Variants in PPP3CC observed in about 807,000 individuals in gnomAD.
PPP3CC encodes protein phosphatase 3 catalytic subunit gamma, also known as serine/threonine-protein phosphatase 2B catalytic subunit gamma isoform.
Under a neutral mutation model 60.3 loss-of-function variants are expected in PPP3CC, and 35 were observed. The observed-to-expected ratio is 0.58, with a 90% CI of 0.44 to 0.77. PPP3CC has a LOEUF of 0.77. Among genes scored for constraint, PPP3CC ranks in the 30% least tolerant of loss-of-function variants. PPP3CC has a pLI of 0.00. For synonymous variants in PPP3CC, 206 were observed against 224.3 expected, an observed-to-expected ratio of 0.92 and a Z score of 0.73; for missense variants, 570 against 628.9, an observed-to-expected ratio of 0.91 and a Z score of 1.00.
chr8:22,530,547 A>C (rs1839680290), intron 10 of PPP3CC, among the ~76,000 whole-genome samples: 1 of 149,162 alleles, frequency 6.7e-6, no homozygotes, highest in Non-Finnish European at 1.5e-5. Context: ...AAAAAGGAAG[A>C]ATGGGCCGGG....
At position 22,540,903 on chromosome 8, in the gene PPP3CC, G is replaced by T; in HGVS notation, c.*101G>T. Reference sequence around the variant, plus strand: ...AAGCAACTCAAAACAACTTCAACGTGGAGGTGCATTTATAATTCAGTCTGC... The same window carrying T: ...AAGCAACTCAAAACAACTTCAACGTTGAGGTGCATTTATAATTCAGTCTGC... On this transcript the variant is annotated 3_prime_UTR_variant, in exon 14 of 14. Transcript: ENST00000240139. The T allele has an allele frequency of 9.4e-7, 1 of 1,059,894 alleles. No homozygotes were observed. Among genetic ancestry groups the T allele is most frequent in the Non-Finnish European group, 1.3e-6 (1 of 787,342 alleles). The allele number at this position is 1,059,894 out of a possible 1,614,324, so 65.7% of individuals were successfully genotyped here. A position where few individuals can be genotyped will look rare whatever the true frequency, so the allele number is the denominator to read the frequency against.
intron 1 of PPP3CC, among the ~76,000 whole-genome samples, chr8:22,472,504 A>T (rs1259512318): frequency 6.6e-6 from 1 of 151,956 alleles, no homozygotes; most frequent in Non-Finnish European, 1.5e-5. Context: ...AGTAACAGGC[A>T]TGGAGCTGTT....
chr8:22,507,349 T>C (rs1371686609), intron 4 of PPP3CC, among the ~76,000 whole-genome samples: 1 of 152,208 alleles, frequency 6.6e-6, no homozygotes, highest in Admixed American at 6.5e-5. Context: ...TAGAAATAAC[T>C]GTTTTATGGG....
chr8:22,473,756 A>G (rs1286393565), intron 1 of PPP3CC, among the ~76,000 whole-genome samples: 5 of 151,590 alleles, frequency 3.3e-5, no homozygotes, highest in African/African-American at 1.2e-4. Context: ...GAGCCACACC[A>G]CACCCGGCCC....
intron 6 of PPP3CC, among the ~76,000 whole-genome samples, chr8:22,521,044 G>A (rs1304784269): frequency 6.6e-6 from 1 of 152,194 alleles, no homozygotes; most frequent in Non-Finnish European, 1.5e-5. Flanking sequence ...GGCTACATTA[G>A]GGTTCACAGT....
intron 8 of PPP3CC, chr8:22,523,752 A>G (rs1839470381): frequency 4.5e-6 from 2 of 441,130 alleles, no homozygotes; most frequent in East Asian, 1.5e-4. Context: ...AGACTGATAA[A>G]TAAGGTGAGT....
At chr8:22,518,843 C>T (rs1049094767) in intron 6 of PPP3CC, among the ~76,000 whole-genome samples, 5 of 152,044 alleles carry the variant, frequency 3.3e-5, no homozygotes, top group African/African-American at 1.2e-4. Context: ...TGCACCATCA[C>T]GCCCAGCTAA....
chr8:22,503,265 G>A (rs917890251), intron 4 of PPP3CC, among the ~76,000 whole-genome samples: 11 of 152,010 alleles, frequency 7.2e-5, no homozygotes, highest in Admixed American at 7.2e-4. Context: ...TACAAAAATG[G>A]GAAATATTTT....
chr8:22,516,590 A>G (rs528582781), intron 6 of PPP3CC, among the ~76,000 whole-genome samples: 2 of 152,376 alleles, frequency 1.3e-5, no homozygotes, highest in African/African-American at 4.8e-5. Flanking sequence ...ATGGGAATGT[A>G]GTGTGCAATG....
rs530288872 is a variant in PPP3CC, at chr8:22,475,024, T to A, written c.120T>A (p.Asp40Glu). 160 of 1,613,042 alleles carry A rather than the reference T, an allele frequency of 9.9e-5. 2 individuals are homozygous for A. The South Asian group carries it at 1.7e-3, about 17-fold the overall frequency. The change falls in exon 2 of 14, where the codon GAT (aspartate) becomes GAA (glutamate). Residue 40 changes from aspartate to glutamate, a missense_variant. By Grantham distance (45) the Asp-to-Glu change is conservative. Coordinates refer to ENST00000240139, the MANE Select transcript of PPP3CC (RefSeq NM_005605.5). Reference sequence around the variant, plus strand: ...TTGAGAATGGGAAACCTAAAGTTGATGTTTTAAAAAACCATTTGGTAAAGG... The same window carrying A: ...TTGAGAATGGGAAACCTAAAGTTGAAGTTTTAAAAAACCATTTGGTAAAGG... Reference protein sequence around the residue: ...EVFENGKPKVDVLKNHLVKEG... With the variant: ...EVFENGKPKVEVLKNHLVKEG...
At chr8:22,492,539 T>TC (rs1838437231) in intron 3 of PPP3CC, 1 of 370,824 alleles carries the variant, frequency 2.7e-6, no homozygotes, top group African/African-American at 2.1e-5. Context: ...GTGCACCTAA[T>TC]CTCAGCTGGT....
intron 6 of PPP3CC, among the ~76,000 whole-genome samples, chr8:22,519,340 A>G (rs1006707273): frequency 6.6e-6 from 1 of 152,188 alleles, no homozygotes; most frequent in Non-Finnish European, 1.5e-5. Flanking sequence ...CACTCATACT[A>G]TATCTTTTGA....
Position 22,513,452 on chromosome 8 carries a change from C to T in PPP3CC, c.770+20C>T, listed in dbSNP as rs377003508. 20 of 1,553,208 alleles carry T rather than the reference C, an allele frequency of 1.3e-5. No homozygotes were observed. Among genetic ancestry groups the T allele is most frequent in the African/African-American group, 1.4e-5 (1 of 71,648 alleles). On this transcript the variant is annotated intron_variant, in intron 6 of 13. Coordinates refer to ENST00000240139, the MANE Select transcript of PPP3CC (RefSeq NM_005605.5). Reference sequence around the variant, plus strand: ...CTACAGGTAAGCTAGTCCTTGAGGTCGAAAATTATGAAAGGAAACTGTAAT... The same window carrying T: ...CTACAGGTAAGCTAGTCCTTGAGGTTGAAAATTATGAAAGGAAACTGTAAT...
intron 5 of PPP3CC, among the ~76,000 whole-genome samples, chr8:22,513,038 T>C (rs1180881786): frequency 2.6e-5 from 4 of 151,356 alleles, no homozygotes; most frequent in Non-Finnish European, 5.9e-5. Flanking sequence ...ATCGTGCCAT[T>C]GCACTCCAGC....
chr8:22,512,193 A>C (rs1839107097), intron 5 of PPP3CC, among the ~76,000 whole-genome samples: 2 of 152,096 alleles, frequency 1.3e-5, no homozygotes, highest in African/African-American at 4.8e-5. Flanking sequence ...TTTTCTGTTT[A>C]TAAAACTATT....
At chr8:22,488,761 GC>G (rs1838296978) in intron 3 of PPP3CC, among the ~76,000 whole-genome samples, 1 of 152,224 alleles carries the variant, frequency 6.6e-6, no homozygotes, top group African/African-American at 2.4e-5. Flanking sequence ...TTTTGAAGAG[GC>G]AATTGTTGAA....
intron 12 of PPP3CC, among the ~76,000 whole-genome samples, chr8:22,533,731 A>T (rs1839779067): frequency 6.6e-6 from 1 of 152,226 alleles, no homozygotes; most frequent in African/African-American, 2.4e-5. Context: ...TGCCTGAGAC[A>T]GGAGAATTGC....
At chr8:22,530,535 A>ATAAT (rs1369626500) in intron 10 of PPP3CC, among the ~76,000 whole-genome samples, 7 of 145,004 alleles carry the variant, frequency 4.8e-5, no homozygotes, top group Non-Finnish European at 9.1e-5. Flanking sequence ...AAATAAATAA[A>ATAAT]TAAAAAGGAA....
In PPP3CC at chr8:22,528,500, A is replaced by T. The variant is rs754065448; in HGVS notation, c.1070-6A>T. The T allele has an allele frequency of 1.3e-6, 2 of 1,524,006 alleles. No individual in the cohort carries two copies. The highest frequency in any genetic ancestry group is 1.8e-6 in the Non-Finnish European group (2 of 1,128,272). The allele number at this position is 1,524,006 out of a possible 1,614,324, so 94.4% of individuals were successfully genotyped here. On this transcript the variant is annotated splice_polypyrimidine_tract_variant and splice_region_variant and intron_variant, in intron 9 of 13. Transcript: ENST00000240139. Reference sequence around the variant, plus strand: ...CGTAAATTTTGGATTATTTTGTCTTACTTAGTCACAGAGATGCTGGTAAAT... The same window carrying T: ...CGTAAATTTTGGATTATTTTGTCTTTCTTAGTCACAGAGATGCTGGTAAAT...
Sources: allele counts gnomAD v4.1 joint callset (sites outside exome capture counted in the v4.1 genomes callset), GRCh38; gene constraint gnomAD v4.1.1; transcripts MANE v1.5; gene names NCBI Gene and HGNC (gene_info 2026-07-23, HGNC 2026-07-21).